TPRG1: variants seen among roughly 807,000 people sequenced by gnomAD.
TPRG1 encodes the protein tumor protein p63 regulated 1, also known as tumor protein p63-regulated gene 1 protein.
Under a neutral mutation model 29.3 loss-of-function variants are expected in TPRG1, and 29 were observed. That is an observed-to-expected ratio of 0.99 (90% confidence interval 0.74 to 1.35). TPRG1 has a LOEUF of 1.35. Among genes scored for constraint, TPRG1 ranks in the 40% most tolerant of loss-of-function variants. TPRG1 has a pLI of 0.00. For missense variants in TPRG1, 327 were observed against 335.0 expected (o/e 0.98, Z 0.19); for synonymous variants, 130 against 116.8 (o/e 1.11, Z -0.73).
At chr3:189,262,780 T>A (rs1011429823) in intron 4 of TPRG1, among the ~76,000 whole-genome samples, 1 of 152,122 alleles carries the variant, frequency 6.6e-6, no homozygotes, top group Non-Finnish European at 1.5e-5. Context: ...AATCAAAGTG[T>A]TGGGGCTGGG....
rs1398052465 is a variant in TPRG1, at chr3:189,209,844, A to G, written c.210+2250A>G. ...TCTCAAAAGCTTGTGAGGGATCTAAAGTAAACCTGAAGACTCTGGGAACCA... is the reference window on the plus strand; with the variant it reads ...TCTCAAAAGCTTGTGAGGGATCTAAGGTAAACCTGAAGACTCTGGGAACCA... On this transcript the variant is annotated intron_variant, in intron 2 of 5. Coordinates refer to ENST00000345063, the MANE Select transcript of TPRG1 (RefSeq NM_198485.4). Among the ~76,000 whole-genome samples, 7 of 152,334 alleles carry G rather than the reference A, an allele frequency of 4.6e-5. No homozygotes were observed. The Middle Eastern group carries it at 0.01, about 222-fold the overall frequency.
chr3:189,253,813 T>C (rs1055363373), intron 4 of TPRG1, among the ~76,000 whole-genome samples: 2 of 151,836 alleles, frequency 1.3e-5, no homozygotes, highest in Admixed American at 1.3e-4. Flanking sequence ...TGAGATGGTA[T>C]TTCATTGTAG....
intron 4 of TPRG1, among the ~76,000 whole-genome samples, chr3:189,035,005 G>A (rs1422226140): frequency 6.6e-6 from 1 of 152,098 alleles, no homozygotes. Context: ...AAAGGACAAA[G>A]CTGGAGGTAT....
At chr3:189,209,112 T>C (rs1177951655) in intron 2 of TPRG1, among the ~76,000 whole-genome samples, 3 of 152,224 alleles carry the variant, frequency 2.0e-5, no homozygotes, top group Non-Finnish European at 4.4e-5. Flanking sequence ...GTGAGGTCAC[T>C]TTTAGAAGCT....
At chr3:189,243,718 C>G (rs961159027) in intron 4 of TPRG1, among the ~76,000 whole-genome samples, 1 of 152,178 alleles carries the variant, frequency 6.6e-6, no homozygotes, top group South Asian at 2.1e-4. Context: ...ATTTCTTCCA[C>G]TAGATAATCC....
intron 1 of TPRG1, among the ~76,000 whole-genome samples, chr3:189,117,496 G>A (rs1322695381): frequency 6.6e-6 from 1 of 152,000 alleles, no homozygotes; most frequent in African/African-American, 2.4e-5. Flanking sequence ...AAATATAAAA[G>A]TGATAGAAGA....
At chr3:189,261,881 C>T (rs564703036) in intron 4 of TPRG1, among the ~76,000 whole-genome samples, 1 of 152,262 alleles carries the variant, frequency 6.6e-6, no homozygotes, top group African/African-American at 2.4e-5. Context: ...CATGTGAAGT[C>T]TCCCAGTTGT....
chr3:189,102,835 T>C (rs1384362911), intron 1 of TPRG1, among the ~76,000 whole-genome samples: 1 of 152,168 alleles, frequency 6.6e-6, no homozygotes, highest in African/African-American at 2.4e-5. Context: ...CTAACACTTA[T>C]TTTGCCCAAT....
rs531186415 is a variant in TPRG1, at chr3:189,255,702, C to T, written c.479+16793C>T. On this transcript the variant is annotated intron_variant, in intron 4 of 5. Transcript: ENST00000345063. ...ATTAATTACTGCCTCAATTTCAGAACTTGTTATTGGTCTATTCAGGAATTT... is the reference window on the plus strand; with the variant it reads ...ATTAATTACTGCCTCAATTTCAGAATTTGTTATTGGTCTATTCAGGAATTT... 2.6e-5 allele frequency among the ~76,000 whole-genome samples: 4 copies of T among 152,238 alleles called. No individual in the cohort carries two copies. In the East Asian group the frequency reaches 7.7e-4, roughly 29 times the overall value.
At chr3:189,083,086 G>T (rs1166582783) in intron 4 of TPRG1, among the ~76,000 whole-genome samples, 4 of 152,156 alleles carry the variant, frequency 2.6e-5, no homozygotes, top group Admixed American at 2.6e-4. Context: ...GGGGCTGTGG[G>T]TGGGGGCTGG....
chr3:189,046,438 T>C (rs1435123712), intron 4 of TPRG1, among the ~76,000 whole-genome samples: 1 of 152,214 alleles, frequency 6.6e-6, no homozygotes, highest in East Asian at 1.9e-4. Flanking sequence ...CTAACGGCTA[T>C]TTCTTTGGGC....
At chr3:189,092,367 C>A (rs924357953) in intron 4 of TPRG1, among the ~76,000 whole-genome samples, 33 of 152,070 alleles carry the variant, frequency 2.2e-4, no homozygotes, top group Non-Finnish European at 4.7e-4. Flanking sequence ...AGTATCAAGG[C>A]CCTGGCTACT....
At chr3:189,318,768 C>A (rs1294327035) in intron 5 of TPRG1, among the ~76,000 whole-genome samples, 1 of 151,976 alleles carries the variant, frequency 6.6e-6, no homozygotes, top group Non-Finnish European at 1.5e-5. Flanking sequence ...ATGTACCCAC[C>A]CAATCTGTGA....
intron 4 of TPRG1, among the ~76,000 whole-genome samples, chr3:189,263,106 C>T (rs1402001770): frequency 1.3e-5 from 2 of 152,248 alleles, no homozygotes; most frequent in African/African-American, 4.8e-5. Flanking sequence ...CCAGCCCACA[C>T]TCCTGGGGAG....
chr3:189,269,602 GC>G (rs1714732418), intron 4 of TPRG1, among the ~76,000 whole-genome samples: 1 of 151,762 alleles, frequency 6.6e-6, no homozygotes, highest in Non-Finnish European at 1.5e-5. Flanking sequence ...CTGATTCATT[GC>G]AGAAAAAAAA....
rs544314374 is a variant in TPRG1 at position 189,204,402 on chromosome 3, G to A, written c.-9-2974G>A. Among the ~76,000 whole-genome samples, 122 of 152,038 alleles carry A rather than the reference G, an allele frequency of 8.0e-4. 1 individual carries two copies. The highest frequency in any genetic ancestry group is 2.5e-3 in the African/African-American group (102 of 41,438). ...AGTGGAATGTGTAGATGTGCAGCAC[G>A]CTTCTCCTGTTGGGGAAGCTGAGGA... is the stretch of plus-strand genomic sequence containing the variant. On this transcript the variant is annotated intron_variant, in intron 1 of 5. Transcript: ENST00000345063.
At chr3:189,042,653 T>C (rs1714705432) in intron 4 of TPRG1, among the ~76,000 whole-genome samples, 1 of 151,980 alleles carries the variant, frequency 6.6e-6, no homozygotes, top group Non-Finnish European at 1.5e-5. Flanking sequence ...TTATATTGTA[T>C]CTCAGCTGCT....
intron 5 of TPRG1, among the ~76,000 whole-genome samples, chr3:189,159,868 G>GTGT (rs141895328): frequency 2.9e-4 from 42 of 146,572 alleles, no homozygotes; most frequent in African/African-American, 4.6e-4. Context: ...GTGTGTGTGT[G>GTGT]GTGGTGGGGG....
chr3:189,053,087 A>G (rs1316983907), intron 4 of TPRG1, among the ~76,000 whole-genome samples: 1 of 152,232 alleles, frequency 6.6e-6, no homozygotes, highest in Non-Finnish European at 1.5e-5. Flanking sequence ...TACAGAAAAA[A>G]AAGAAAATCA....
Sources: allele counts gnomAD v4.1 joint callset (sites outside exome capture counted in the v4.1 genomes callset), GRCh38; gene constraint gnomAD v4.1.1; transcripts MANE v1.5; gene names NCBI Gene and HGNC (gene_info 2026-07-23, HGNC 2026-07-21).